The following NCAPG2 variants were observed in gnomAD, a reference collection of about 807,000 sequenced individuals.
The protein encoded by NCAPG2 is non-SMC condensin II complex subunit G2.
NCAPG2 carries 53 observed loss-of-function variants against 141.1 expected under a neutral mutation model. The ratio of observed to expected loss-of-function variants is 0.38; its 90% CI spans 0.30 to 0.47. The LOEUF (loss-of-function observed/expected upper bound fraction) is 0.47, where lower values mean the gene tolerates loss of function less well. NCAPG2 is among the 20% of genes least tolerant of loss of function. NCAPG2 has a pLI of 0.99. For synonymous variants in NCAPG2, 499 were observed against 490.7 expected, an observed-to-expected ratio of 1.02 and a Z score of -0.22; for missense variants, 1,087 against 1,389.0, an observed-to-expected ratio of 0.78 and a Z score of 3.46.
chr7:158,693,451 A>T lies in NCAPG2; in HGVS notation c.125T>A (p.Leu42Ter), dbSNP rs1835253194. ...TAATTCTTCTTTCTGTTTCCTTGAT[A>T]ATTCATCTAGTAATTCATTTAGGCT... ...PFSLNELLDE[L>*]SRKQKEELWQ... The change falls in exon 3 of 28, where the codon TTA becomes TAA. Residue 42 changes from leucine (L) to a stop codon, truncating the protein, a stop_gained. Coordinates refer to ENST00000356309, the MANE Select transcript of NCAPG2 (RefSeq NM_017760.7). LOFTEE classifies it high-confidence loss of function. 2 of 1,613,972 alleles carry T rather than the reference A, an allele frequency of 1.2e-6. No individual in the cohort carries two copies. The highest frequency in any genetic ancestry group is 1.7e-6 in the Non-Finnish European group (2 of 1,179,870).
intron 2 of NCAPG2, among the ~76,000 whole-genome samples, chr7:158,693,995 CG>C (rs1835284277): frequency 6.6e-6 from 1 of 152,198 alleles, no homozygotes; most frequent in Admixed American, 6.5e-5. Flanking sequence ...AAGCAAATAG[CG>C]GCCCTCATCA....
intron 27 of NCAPG2, among the ~76,000 whole-genome samples, chr7:158,637,047 A>C (rs1460823580): frequency 6.6e-6 from 1 of 151,676 alleles, no homozygotes; most frequent in Admixed American, 6.6e-5. Flanking sequence ...TCCCGGGTTC[A>C]TGCCATTCTC....
intron 27 of NCAPG2, among the ~76,000 whole-genome samples, chr7:158,634,378 A>G (rs1252984003): frequency 6.6e-6 from 1 of 152,196 alleles, no homozygotes; most frequent in Admixed American, 6.5e-5. Flanking sequence ...AATAGTTGTT[A>G]TACTATATAC....
rs368263725 is a variant in NCAPG2, at chr7:158,690,675, T to C, written c.430A>G (p.Ile144Val). The C allele has an allele frequency of 1.9e-6, 3 of 1,613,966 alleles. No individual in the cohort carries two copies. The highest frequency in any genetic ancestry group is 2.5e-6 in the Non-Finnish European group (3 of 1,179,922). Residue 144 changes from isoleucine to valine, a missense_variant, in exon 5 of 28, where the codon ATT (isoleucine) becomes GTT (valine). Ile to Val is a conservative substitution (Grantham distance 29, BLOSUM62 3). Transcript: ENST00000356309. ...CACCAGGTAACACACAAATCCTGAA[T>C]AGAACTCTGTAGTTTTCGTTCAGAC... is the stretch of plus-strand genomic sequence containing the variant. Reference protein sequence around the residue: ...PESERKLQSSIQDLCVTWWEK... With the variant: ...PESERKLQSSVQDLCVTWWEK...
At chr7:158,665,143 G>A (rs1462053259) in intron 13 of NCAPG2, 1 of 182,904 alleles carries the variant, frequency 5.5e-6, no homozygotes, top group African/African-American at 2.4e-5. Context: ...TTTTTGACGT[G>A]GACACTCCAT....
intron 16 of NCAPG2, 85 bp downstream of exon 16, chr7:158,662,109 G>A: frequency 7.8e-7 from 1 of 1,281,446 alleles, no homozygotes; most frequent in Non-Finnish European, 1.1e-6. Context: ...GATCCAGGGA[G>A]GTAAACATGT....
At chr7:158,651,039 A>C in intron 23 of NCAPG2, 67 bp from the exon 24 acceptor site, 1 of 1,456,430 alleles carries the variant, frequency 6.9e-7, no homozygotes, top group Non-Finnish European at 9.2e-7. Context: ...ACAAAAAAAC[A>C]CTTTAAAATA....
At chr7:158,693,679 A>G (rs1370933083) in intron 2 of NCAPG2, among the ~76,000 whole-genome samples, 182 bp from the exon 3 acceptor site, 3 of 152,222 alleles carry the variant, frequency 2.0e-5, no homozygotes, top group Non-Finnish European at 4.4e-5. Context: ...ATTCTTTCCT[A>G]GCATCCTAAT....
chr7:158,652,201 G>C (rs1831543137), intron 23 of NCAPG2, 92 bp downstream of exon 23: 1 of 1,310,098 alleles, frequency 7.6e-7, no homozygotes, highest in African/African-American at 1.5e-5. Flanking sequence ...ACCCGAGCGT[G>C]AACAGCACAG....
At chr7:158,675,799 CCTGAGATTACTTGCTATCGCTTCTAAAG>C in intron 11 of NCAPG2, 143 bp from the exon 12 acceptor site, 1 of 841,854 alleles carries the variant, frequency 1.2e-6, no homozygotes, top group South Asian at 1.8e-5. Flanking sequence ...GATTCCTAGA[CCTGAGATTACTTGCTATCGCTTCTAAAG>C]CAGAGTATTT....
intron 2 of NCAPG2, among the ~76,000 whole-genome samples, chr7:158,695,905 G>T (rs986208058): frequency 3.3e-5 from 5 of 152,352 alleles, no homozygotes; most frequent in Admixed American, 2.6e-4. Flanking sequence ...AGGATGAGGG[G>T]CCGGTGGGGT....
At chr7:158,680,366 T>C (rs1439053448) in intron 10 of NCAPG2, among the ~76,000 whole-genome samples, 3 of 152,192 alleles carry the variant, frequency 2.0e-5, no homozygotes, top group South Asian at 2.1e-4. Context: ...CTGAAAGTTA[T>C]TGTGTGTTTG....
chr7:158,680,263 T>C (rs1196708877), intron 10 of NCAPG2, among the ~76,000 whole-genome samples, 178 bp from the exon 11 acceptor site: 3 of 152,206 alleles, frequency 2.0e-5, no homozygotes, highest in Admixed American at 6.5e-5. Flanking sequence ...ACAGATACTA[T>C]GAAAAGATAA....
At chr7:158,696,921 C>T (rs1349904713) in intron 2 of NCAPG2, among the ~76,000 whole-genome samples, 1 of 152,172 alleles carries the variant, frequency 6.6e-6, no homozygotes, top group Non-Finnish European at 1.5e-5. Flanking sequence ...TGAGAGTGGT[C>T]CCATAAGATT....
In NCAPG2 at chr7:158,679,183, T is replaced by C. The variant is rs571895778; in HGVS notation, c.1146+777A>G. On this transcript the variant is annotated intron_variant, in intron 11 of 27. Transcript: ENST00000356309. ...TATACTATTACTTTAACTTTCTGCA[T>C]GTCAGGTTTTCCATAAGTTAGAAAA... Among the ~76,000 whole-genome samples the C allele has an allele frequency of 7.9e-5, 12 of 152,338 alleles. No individual in the cohort carries two copies. The South Asian group carries it at 2.3e-3, about 29-fold the overall frequency.
At chr7:158,704,512 G>C (rs1446611378) in intron 1 of NCAPG2, among the ~76,000 whole-genome samples, 1 of 152,196 alleles carries the variant, frequency 6.6e-6, no homozygotes, top group Non-Finnish European at 1.5e-5. Flanking sequence ...AAGAAGGACG[G>C]GCGTCGCTGA....
intron 7 of NCAPG2, 85 bp downstream of exon 7, chr7:158,687,263 A>C: frequency 1.4e-5 from 12 of 842,718 alleles, no homozygotes; most frequent in Non-Finnish European, 2.1e-5. Context: ...CTAATCCATT[A>C]CTATAACTTA....
At chr7:158,641,631 T>C (rs1830657574) in intron 27 of NCAPG2, 2 of 464,310 alleles carry the variant, frequency 4.3e-6, no homozygotes, top group Admixed American at 8.0e-5. Context: ...GCAGGAGTAG[T>C]AGTATTAATT....
At chr7:158,656,472 C>G in intron 18 of NCAPG2, 39 bp from the exon 19 acceptor site, 3 of 1,610,262 alleles carry the variant, frequency 1.9e-6, no homozygotes, top group Non-Finnish European at 2.5e-6. Flanking sequence ...TGAAAACACA[C>G]GTCCCTAGAA....
Sources: allele counts gnomAD v4.1 joint callset (sites outside exome capture counted in the v4.1 genomes callset), GRCh38; gene constraint gnomAD v4.1.1; transcripts MANE v1.5; gene names NCBI Gene and HGNC (gene_info 2026-07-23, HGNC 2026-07-21).